Variants in ANTXR2 observed in about 807,000 individuals in gnomAD.
ANTXR2 encodes the protein ANTXR cell adhesion molecule 2, also known as anthrax toxin receptor 2.
In ANTXR2, 44 loss-of-function variants were observed where a neutral mutation model predicts 73.7. That is an observed-to-expected ratio of 0.60 (90% confidence interval 0.47 to 0.77). ANTXR2 has a LOEUF of 0.77. Among genes scored for constraint, ANTXR2 ranks in the 30% least tolerant of loss-of-function variants. ANTXR2 has a pLI of 0.00. For missense variants in ANTXR2, 604 were observed against 592.5 expected, an observed-to-expected ratio of 1.02 and a Z score of -0.20; for synonymous variants, 217 against 205.9, an observed-to-expected ratio of 1.05 and a Z score of -0.46.
At chr4:79,913,336 T>C (rs368283466) in intron 16 of ANTXR2, among the ~76,000 whole-genome samples, 3 of 152,178 alleles carry the variant, frequency 2.0e-5, no homozygotes, top group East Asian at 1.9e-4. Flanking sequence ...CTTCTTATCA[T>C]ACAAAATTAT....
intron 14 of ANTXR2, among the ~76,000 whole-genome samples, chr4:79,983,578 T>C (rs377636680): frequency 3.9e-5 from 6 of 152,152 alleles, no homozygotes; most frequent in African/African-American, 7.2e-5. Context: ...TTCTTCAAAG[T>C]TGACGTTCTA....
intron 12 of ANTXR2, among the ~76,000 whole-genome samples, chr4:79,992,631 AAAGTT>A (rs1730527455): frequency 2.0e-5 from 3 of 152,144 alleles, no homozygotes; most frequent in South Asian, 4.1e-4. Flanking sequence ...AAAACAAAAT[AAAGTT>A]AAGTTCATCA....
At chr4:80,004,095 C>T (rs192580103) in intron 12 of ANTXR2, among the ~76,000 whole-genome samples, 4 of 151,408 alleles carry the variant, frequency 2.6e-5, no homozygotes, top group East Asian at 1.9e-4. Flanking sequence ...GAGTGGACTA[C>T]GACTACACAC....
At chr4:80,037,912 C>A (rs550832683) in intron 7 of ANTXR2, among the ~76,000 whole-genome samples, 3 of 152,032 alleles carry the variant, frequency 2.0e-5, no homozygotes, top group Non-Finnish European at 2.9e-5. Context: ...ACACAAAACC[C>A]CCAAATCTAT....
At chr4:79,929,262 C>T (rs1560871613) in intron 16 of ANTXR2, among the ~76,000 whole-genome samples, 1 of 152,118 alleles carries the variant, frequency 6.6e-6, no homozygotes, top group Non-Finnish European at 1.5e-5. Context: ...CCCCTGTAAT[C>T]CCAGCACTTT....
At chr4:79,958,549 G>A (rs914939972) in intron 16 of ANTXR2, among the ~76,000 whole-genome samples, 1 of 151,954 alleles carries the variant, frequency 6.6e-6, no homozygotes, top group African/African-American at 2.4e-5. Context: ...TCTCATTCAT[G>A]AGCCCCTCCA....
rs183875349 is a variant in ANTXR2 at position 79,920,120 on chromosome 4, G to A, written c.1429-12653C>T. Among the ~76,000 whole-genome samples, 385 of 151,464 alleles carry A rather than the reference G, an allele frequency of 2.5e-3. 4 individuals carry two copies. The highest frequency in any genetic ancestry group is 8.7e-3 in the African/African-American group (360 of 41,280). ...TTTCCTAGCTCTGCCTGCTGGAAAG[G>A]CCTAAAAGCAATGACAGTAAAAATT... is the stretch of plus-strand genomic sequence containing the variant. On this transcript the variant is annotated intron_variant, in intron 16 of 16. Coordinates refer to ENST00000403729, the MANE Select transcript of ANTXR2 (RefSeq NM_058172.6).
chr4:80,042,393 A>G (rs979067904), intron 7 of ANTXR2, among the ~76,000 whole-genome samples: 18 of 152,100 alleles, frequency 1.2e-4, no homozygotes, highest in South Asian at 4.1e-4. Flanking sequence ...CAGAAATGTG[A>G]GGCAGAAGTT....
At chr4:80,035,168 T>G (rs1253327370) in intron 8 of ANTXR2, among the ~76,000 whole-genome samples, 1 of 152,168 alleles carries the variant, frequency 6.6e-6, no homozygotes, top group Non-Finnish European at 1.5e-5. Context: ...TCCATTTATT[T>G]TTCTTTGTTA....
At chr4:79,963,992 A>T (rs1454352105) in intron 16 of ANTXR2, among the ~76,000 whole-genome samples, 1 of 152,222 alleles carries the variant, frequency 6.6e-6, no homozygotes, top group Non-Finnish European at 1.5e-5. Context: ...CAATTTTGTA[A>T]ATTTTGTTTT....
chr4:80,009,879 A>G (rs1198801719), intron 11 of ANTXR2, among the ~76,000 whole-genome samples: 2 of 151,304 alleles, frequency 1.3e-5, no homozygotes, highest in African/African-American at 4.8e-5. Flanking sequence ...GAAAGAAAAA[A>G]CTACTTACTG....
chr4:80,057,217 T>G (rs957736938), intron 3 of ANTXR2, among the ~76,000 whole-genome samples: 3 of 151,926 alleles, frequency 2.0e-5, no homozygotes, highest in Non-Finnish European at 2.9e-5. Flanking sequence ...TGAAGGAGAT[T>G]AATTGTAAGA....
intron 7 of ANTXR2, among the ~76,000 whole-genome samples, chr4:80,047,575 C>G (rs1349632149): frequency 6.6e-6 from 1 of 151,588 alleles, no homozygotes; most frequent in African/African-American, 2.4e-5. Flanking sequence ...CTCTCCCTTG[C>G]CCCCAACAGA....
rs180994252 is a variant in ANTXR2, at chr4:79,907,592, C to T, written c.1429-125G>A. 9.0e-6 allele frequency: 9 copies of T among 999,292 alleles called. No homozygotes were observed. In the Admixed American group the frequency reaches 1.5e-4, roughly 16 times the overall value. The allele number at this position is 999,292 out of a possible 1,614,324, so 61.9% of individuals were successfully genotyped here. A position where few individuals can be genotyped will look rare whatever the true frequency, so the allele number is the denominator to read the frequency against. ...AGGAAAGTACCATGTTAACTTGAGA[C>T]ATGAAGTCATAATTTTTTTTTCTTG... On this transcript the variant is annotated intron_variant, in intron 16 of 16. Transcript: ENST00000403729.
chr4:79,948,387 T>C (rs1728587532), intron 16 of ANTXR2, among the ~76,000 whole-genome samples: 2 of 152,128 alleles, frequency 1.3e-5, no homozygotes, highest in South Asian at 4.1e-4. Flanking sequence ...TGAAGTCACA[T>C]AAAAAATACA....
chr4:79,978,471 ATGAAATG>A (rs1429676725), intron 14 of ANTXR2, among the ~76,000 whole-genome samples: 1 of 152,030 alleles, frequency 6.6e-6, no homozygotes, highest in Non-Finnish European at 1.5e-5. Context: ...TGGTTTACAT[ATGAAATG>A]CATGACAGTG....
chr4:80,005,899 T>A (rs1340998370), intron 12 of ANTXR2, among the ~76,000 whole-genome samples: 1 of 152,114 alleles, frequency 6.6e-6, no homozygotes, highest in East Asian at 1.9e-4. Context: ...AGACTTTCTA[T>A]TACAAGACAT....
chr4:80,036,851 C>T (rs1293629582), intron 7 of ANTXR2, among the ~76,000 whole-genome samples: 2 of 152,142 alleles, frequency 1.3e-5, no homozygotes, highest in African/African-American at 4.8e-5. Context: ...AGTGGCATTT[C>T]TATCCCATTT....
chr4:80,036,355 T>C (rs1252800404), intron 7 of ANTXR2, among the ~76,000 whole-genome samples: 1 of 152,110 alleles, frequency 6.6e-6, no homozygotes, highest in Non-Finnish European at 1.5e-5. Flanking sequence ...TGCCATAAAA[T>C]CTATGTTGAC....
Sources: gnomAD v4.1 joint callset for allele counts (sites outside exome capture counted in the v4.1 genomes callset) on GRCh38, gnomAD v4.1.1 for gene constraint, MANE v1.5 for transcripts, NCBI Gene and HGNC (gene_info 2026-07-23, HGNC 2026-07-21) for gene names.